Variants in CHIA observed in about 807,000 individuals in gnomAD.
The protein encoded by CHIA is acidic mammalian chitinase.
CHIA carries 47 observed loss-of-function variants against 53.5 expected under a neutral mutation model. The observed-to-expected ratio is 0.88, with a 90% confidence interval of 0.70 to 1.12. The LOEUF (loss-of-function observed/expected upper bound fraction) is 1.12, where lower values mean the gene tolerates loss of function less well. Among genes scored for constraint, CHIA ranks in the 50% most tolerant of loss-of-function variants. The pLI is 0.00. For synonymous variants in CHIA, 268 were observed against 222.2 expected (o/e 1.21, Z -1.83); for missense variants, 652 against 592.2 (o/e 1.10, Z -1.05).
In CHIA at chr1:111,290,873, G is replaced by C. The variant is rs116488064; in HGVS notation, c.-146G>C. On this transcript the variant is annotated 5_prime_UTR_variant, in exon 1 of 12. Transcript: ENST00000369740. ...TGCCAAAGCTTCATGAAACCTCCTCGTCTGTGCACGAACAGGTGGCCGACT... is the reference window on the plus strand; with the variant it reads ...TGCCAAAGCTTCATGAAACCTCCTCCTCTGTGCACGAACAGGTGGCCGACT... The C allele has an allele frequency of 1.1e-5, 5 of 464,052 alleles. No homozygotes were observed. Among genetic ancestry groups the C allele is most frequent in the African/African-American group, 2.0e-5 (1 of 49,202 alleles). 28.7% of individuals were successfully genotyped at this position (464,052 alleles called of 1,614,324 possible). A position where few individuals can be genotyped will look rare whatever the true frequency, so the allele number is the denominator to read the frequency against.
At position 111,318,824 on chromosome 1, in the gene CHIA, T is replaced by C. The variant is rs1037197119; in HGVS notation, c.915+146T>C. On this transcript the variant is annotated intron_variant, in intron 9 of 11. Coordinates refer to ENST00000369740, the MANE Select transcript of CHIA (RefSeq NM_201653.4). Reference sequence around the variant, plus strand: ...TTAAAGTGTTTAAATAGCATTCATTTACATAATCCAAATGAATAGCATTTA... The same window carrying C: ...TTAAAGTGTTTAAATAGCATTCATTCACATAATCCAAATGAATAGCATTTA... 3.2e-6 allele frequency: 3 copies of C among 925,922 alleles called. No individual in the cohort carries two copies. In the African/African-American group the frequency reaches 5.0e-5, roughly 15 times the overall value. The allele number at this position is 925,922 out of a possible 1,614,324, so 57.4% of individuals were successfully genotyped here.
intron 1 of CHIA, among the ~76,000 whole-genome samples, chr1:111,303,929 G>C (rs1259672922): frequency 6.6e-6 from 1 of 152,062 alleles, no homozygotes; most frequent in Admixed American, 6.6e-5. Flanking sequence ...CAGGTCTATT[G>C]GTAACAAACT....
chr1:111,298,140 T>A (rs1414977757), intron 1 of CHIA, among the ~76,000 whole-genome samples: 3 of 152,046 alleles, frequency 2.0e-5, no homozygotes, highest in Non-Finnish European at 4.4e-5. Flanking sequence ...CACACAATAA[T>A]AATGGGAGAC....
At chr1:111,311,545 A>T in intron 2 of CHIA, 144 bp from the exon 3 acceptor site, 1 of 872,982 alleles carries the variant, frequency 1.1e-6, no homozygotes, top group Non-Finnish European at 1.9e-6. Context: ...TGTTGTATTC[A>T]CTGAAAAGCC....
Position 111,315,279 on chromosome 1 carries a change from C to T in CHIA, c.324C>T (p.Ala108=). 1 of 1,611,896 alleles carries T rather than the reference C, an allele frequency of 6.2e-7. No homozygotes were observed. Residue 108 remains alanine, a synonymous_variant, in exon 6 of 12, where the codon GCC becomes GCT. Coordinates refer to ENST00000369740, the MANE Select transcript of CHIA (RefSeq NM_201653.4). ...GWNFGTAPFT[A]MVSTPENRQT... is the part of the protein sequence containing the mutation. ...TTTGGGTCTCCCTCAGTTTCACTGC[C>T]ATGGTTTCTACTCCTGAGAACCGCC...
intron 6 of CHIA, chr1:111,315,705 C>G (rs1241944191): frequency 5.7e-6 from 3 of 525,720 alleles, no homozygotes; most frequent in African/African-American, 3.8e-5. Context: ...GGCATACATA[C>G]TATAAGTGTT....
chr1:111,313,880 C>T (rs191005213), intron 4 of CHIA, among the ~76,000 whole-genome samples: 186 of 152,264 alleles, frequency 1.2e-3, no homozygotes, highest in African/African-American at 4.0e-3. Context: ...ATGGCATTAT[C>T]GTGAATACAG....
At chr1:111,294,383 C>T (rs1442408029) in intron 1 of CHIA, among the ~76,000 whole-genome samples, 2 of 151,866 alleles carry the variant, frequency 1.3e-5, no homozygotes, top group African/African-American at 2.4e-5. Context: ...TATAAAAATG[C>T]AATTGATTTT....
At chr1:111,296,317 C>T (rs1661335147) in intron 1 of CHIA, among the ~76,000 whole-genome samples, 1 of 152,332 alleles carries the variant, frequency 6.6e-6, no homozygotes, top group Non-Finnish European at 1.5e-5. Context: ...TAGGGGCTGA[C>T]TGACACCTCA....
At chr1:111,295,030 G>A (rs968461398) in intron 1 of CHIA, among the ~76,000 whole-genome samples, 1 of 152,172 alleles carries the variant, frequency 6.6e-6, no homozygotes, top group Non-Finnish European at 1.5e-5. Flanking sequence ...TTACAGTAAT[G>A]CTGGACATAT....
At chr1:111,297,514 C>A (rs113536817) in intron 1 of CHIA, among the ~76,000 whole-genome samples, 34 of 152,076 alleles carry the variant, frequency 2.2e-4, no homozygotes, top group African/African-American at 8.0e-4. Context: ...CCTTCACAGA[C>A]AAGCAAATGC....
intron 4 of CHIA, among the ~76,000 whole-genome samples, chr1:111,312,821 C>T (rs1648798281): frequency 6.6e-6 from 1 of 151,774 alleles, no homozygotes; most frequent in Admixed American, 6.6e-5. Context: ...CCACCCCCAG[C>T]CTCTGCTAAC....
In CHIA at chr1:111,315,288, T is replaced by C. The variant is rs1238503356; in HGVS notation, c.333T>C (p.Ser111=). 2 of 1,612,442 alleles carry C rather than the reference T, an allele frequency of 1.2e-6. No homozygotes were observed. The highest frequency in any genetic ancestry group is 1.7e-6 in the Non-Finnish European group (2 of 1,179,896). The change falls in exon 6 of 12, where the codon TCT becomes TCC. Residue 111 remains serine, a synonymous_variant. Transcript: ENST00000369740. The part of the protein sequence containing the change: ...FGTAPFTAMV[S]TPENRQTFIT... ...CCCTCAGTTTCACTGCCATGGTTTC[T>C]ACTCCTGAGAACCGCCAGACTTTCA... is the stretch of plus-strand genomic sequence containing the variant.
At chr1:111,291,343 G>A (rs1249843876) in intron 1 of CHIA, among the ~76,000 whole-genome samples, 3 of 152,184 alleles carry the variant, frequency 2.0e-5, no homozygotes, top group African/African-American at 7.2e-5. Context: ...AAACAGGAAT[G>A]AGATCATGTC....
At position 111,318,492 on chromosome 1, in the gene CHIA, G is replaced by C. The variant is rs144676218; in HGVS notation, c.730-1G>C. The stretch of plus-strand genomic sequence containing the variant: ...ATGTAACTAACCCACTGACATTGCA[G>C]GATTATGTCATGAACTACTGGAAGG... On this transcript the variant is annotated splice_acceptor_variant, in intron 8 of 11. Transcript: ENST00000369740. LOFTEE classifies it high-confidence loss of function. The C allele has an allele frequency of 6.2e-7, 1 of 1,612,450 alleles. No individual in the cohort carries two copies. Among genetic ancestry groups the C allele is most frequent in the Non-Finnish European group, 8.5e-7 (1 of 1,178,904 alleles).
intron 1 of CHIA, among the ~76,000 whole-genome samples, chr1:111,307,640 CTT>C (rs1174506255): frequency 2.8e-5 from 4 of 140,750 alleles, no homozygotes; most frequent in Non-Finnish European, 3.1e-5. Flanking sequence ...TTCATTTTTA[CTT>C]TTTTTTTTTT....
intron 1 of CHIA, among the ~76,000 whole-genome samples, chr1:111,305,421 A>T (rs976415191): frequency 1.3e-5 from 2 of 152,186 alleles, no homozygotes; most frequent in African/African-American, 4.8e-5. Context: ...ATCAGTGATA[A>T]GAGCACAGAT....
At chr1:111,294,855 A>T (rs902020499) in intron 1 of CHIA, among the ~76,000 whole-genome samples, 5 of 152,148 alleles carry the variant, frequency 3.3e-5, no homozygotes, top group Non-Finnish European at 5.9e-5. Flanking sequence ...TTCATAAGTT[A>T]AATCATTTCT....
intron 1 of CHIA, among the ~76,000 whole-genome samples, chr1:111,299,767 G>T (rs565291930): frequency 1.3e-5 from 2 of 151,976 alleles, no homozygotes; most frequent in South Asian, 4.2e-4. Context: ...AGAAATAAAG[G>T]GTATTCAATT....
Sources: gnomAD v4.1 joint callset for allele counts (sites outside exome capture counted in the v4.1 genomes callset) on GRCh38, gnomAD v4.1.1 for gene constraint, MANE v1.5 for transcripts, NCBI Gene and HGNC (gene_info 2026-07-23, HGNC 2026-07-21) for gene names.